DYNC1I2: variants seen among roughly 807,000 people sequenced by gnomAD.
DYNC1I2 encodes the protein cytoplasmic dynein 1 intermediate chain 2.
A neutral mutation model predicts 88.6 loss-of-function variants in DYNC1I2; 53 were observed. The ratio of observed to expected loss-of-function variants is 0.60; its 90% CI spans 0.48 to 0.75. The LOEUF is 0.75. DYNC1I2 is among the 30% of genes least tolerant of loss of function. DYNC1I2 has a pLI of 0.00. For synonymous variants in DYNC1I2, 198 were observed against 254.6 expected (o/e 0.78, Z 2.12); for missense variants, 458 against 766.6 (o/e 0.60, Z 4.75).
intron 3 of DYNC1I2, among the ~76,000 whole-genome samples, chr2:171,698,643 G>A (rs1023356125): frequency 6.6e-6 from 1 of 151,998 alleles, no homozygotes; most frequent in Non-Finnish European, 1.5e-5. Flanking sequence ...GCTGAGGCGG[G>A]CGGATCACGA....
At position 171,750,107 on chromosome 2, in the gene DYNC1I2, G is replaced by A. The variant is rs1268854501; in HGVS notation, c.*2218G>A. ...TAAAGTTTATTACCTTCATGTTAAG[G>A]AATATCCAGCTTCACAGACAATTAA... On this transcript the variant is annotated 3_prime_UTR_variant, in exon 18 of 18. Coordinates refer to ENST00000397119, the MANE Select transcript of DYNC1I2 (RefSeq NM_001378.3). Among the ~76,000 whole-genome samples the A allele has an allele frequency of 6.6e-6, 1 of 152,050 alleles. No homozygotes were observed. Among genetic ancestry groups the A allele is most frequent in the African/African-American group, 2.4e-5 (1 of 41,412 alleles).
At chr2:171,702,878 A>G (rs990014972) in intron 3 of DYNC1I2, among the ~76,000 whole-genome samples, 19 of 151,938 alleles carry the variant, frequency 1.3e-4, no homozygotes, top group African/African-American at 3.6e-4. Context: ...ATAGCCATCT[A>G]ATTTTTTTGT....
intron 2 of DYNC1I2, among the ~76,000 whole-genome samples, chr2:171,691,676 A>G (rs1351893138): frequency 6.6e-6 from 1 of 152,236 alleles, no homozygotes; most frequent in Non-Finnish European, 1.5e-5. Context: ...TGGCAGAGCT[A>G]TTCCAAAATA....
intron 7 of DYNC1I2, among the ~76,000 whole-genome samples, chr2:171,724,124 A>G (rs1022584486): frequency 4.6e-5 from 7 of 152,200 alleles, no homozygotes; most frequent in Non-Finnish European, 7.3e-5. Flanking sequence ...AAATCGCTCA[A>G]TTTCAAGTAA....
Position 171,748,052 on chromosome 2 carries a change from A to C in DYNC1I2, c.*163A>C, listed in dbSNP as rs1034240865. The stretch of plus-strand genomic sequence containing the variant: ...AACTTACAATGTCCCTTTATATATA[A>C]CATGCATCTTGTTTTGGATTTGTGT... On this transcript the variant is annotated 3_prime_UTR_variant, in exon 18 of 18. Transcript: ENST00000397119. The C allele has an allele frequency of 6.0e-6, 3 of 502,786 alleles. No homozygotes were observed. The highest frequency in any genetic ancestry group is 7.8e-5 in the Admixed American group (2 of 25,770). The allele number at this position is 502,786 out of a possible 1,614,324, so 31.1% of individuals were successfully genotyped here. A position where few individuals can be genotyped will look rare whatever the true frequency, so the allele number is the denominator to read the frequency against.
intron 15 of DYNC1I2, among the ~76,000 whole-genome samples, chr2:171,731,930 G>A (rs996893080): frequency 1.3e-5 from 2 of 152,184 alleles, no homozygotes; most frequent in Non-Finnish European, 2.9e-5. Context: ...TGAGCCTTCC[G>A]TCTTTGTCAT....
At chr2:171,713,382 C>T (rs1196101708) in intron 6 of DYNC1I2, among the ~76,000 whole-genome samples, 3 of 150,916 alleles carry the variant, frequency 2.0e-5, no homozygotes, top group African/African-American at 7.3e-5. Context: ...TCATTGAGCC[C>T]CTAGGTTAAA....
intron 5 of DYNC1I2, among the ~76,000 whole-genome samples, chr2:171,711,490 T>C (rs938342442): frequency 2.6e-5 from 4 of 152,214 alleles, no homozygotes; most frequent in African/African-American, 7.2e-5. Context: ...ACAAGGAATT[T>C]TATGTCATTG....
At chr2:171,694,169 C>G (rs2105466055) in intron 3 of DYNC1I2, among the ~76,000 whole-genome samples, 1 of 152,044 alleles carries the variant, frequency 6.6e-6, no homozygotes, top group East Asian at 2.0e-4. Flanking sequence ...TCCTGAGTAG[C>G]TGGGACTACA....
At chr2:171,723,454 AAGAC>A (rs1417436557) in intron 7 of DYNC1I2, among the ~76,000 whole-genome samples, 1 of 152,212 alleles carries the variant, frequency 6.6e-6, no homozygotes, top group Non-Finnish European at 1.5e-5. Flanking sequence ...ATTATTCTAA[AAGAC>A]AGCTTGTAAG....
At chr2:171,711,385 AT>A (rs1687116938) in intron 5 of DYNC1I2, among the ~76,000 whole-genome samples, 1 of 152,244 alleles carries the variant, frequency 6.6e-6, no homozygotes, top group Admixed American at 6.5e-5. Flanking sequence ...CCCCTAATAA[AT>A]GTAATAATGT....
intron 1 of DYNC1I2, chr2:171,688,497 C>T (rs1005840888): frequency 6.6e-6 from 1 of 152,146 alleles, no homozygotes; most frequent in African/African-American, 2.4e-5. Flanking sequence ...TATAATGTGC[C>T]TAGCGTAGCA....
intron 15 of DYNC1I2, among the ~76,000 whole-genome samples, chr2:171,741,955 G>A (rs761509030): frequency 2.6e-5 from 4 of 151,766 alleles, no homozygotes; most frequent in African/African-American, 4.8e-5. Flanking sequence ...GGTGGTGCAC[G>A]CCTGTAATCC....
intron 5 of DYNC1I2, 87 bp downstream of exon 5, chr2:171,707,464 T>C: frequency 8.7e-7 from 1 of 1,145,500 alleles, no homozygotes; most frequent in East Asian, 2.7e-5. Flanking sequence ...CTCTAAATAG[T>C]TGTGTCGAGT....
chr2:171,744,320 C>A, intron 16 of DYNC1I2, 131 bp downstream of exon 16: 1 of 980,202 alleles, frequency 1.0e-6, no homozygotes, highest in Non-Finnish European at 1.4e-6. Flanking sequence ...ACAAAGAACT[C>A]AAATAAGCTT....
chr2:171,739,439 A>G (rs1689242182), intron 15 of DYNC1I2, among the ~76,000 whole-genome samples: 1 of 152,092 alleles, frequency 6.6e-6, no homozygotes. Flanking sequence ...CACATGACCA[A>G]TCTTGTCTAT....
chr2:171,701,207 A>G (rs1346127326), intron 3 of DYNC1I2, among the ~76,000 whole-genome samples: 1 of 151,996 alleles, frequency 6.6e-6, no homozygotes, highest in African/African-American at 2.4e-5. Context: ...TTTTTTGGAG[A>G]CGGAGTCTTG....
intron 7 of DYNC1I2, among the ~76,000 whole-genome samples, chr2:171,721,290 T>C (rs2105649448): frequency 6.6e-6 from 1 of 152,256 alleles, no homozygotes; most frequent in African/African-American, 2.4e-5. Context: ...TTTCCCTTGT[T>C]GAAGAGCCAA....
In DYNC1I2 at chr2:171,714,402, C is replaced by T. The variant is rs537692395; in HGVS notation, c.396-926C>T. ...TATAAGAAAAAAGTTATATTACCAG[C>T]GATAGCCTGCTTTATATTCTGAAAG... is the stretch of plus-strand genomic sequence containing the variant. On this transcript the variant is annotated intron_variant, in intron 6 of 17. Transcript: ENST00000397119. Among the ~76,000 whole-genome samples the T allele has an allele frequency of 2.0e-4, 31 of 151,972 alleles. 1 individual carries two copies. Among genetic ancestry groups the T allele is most frequent in the Middle Eastern group, 3.2e-3 (1 of 316 alleles).
Sources: gnomAD v4.1 joint callset for allele counts (sites outside exome capture counted in the v4.1 genomes callset) on GRCh38, gnomAD v4.1.1 for gene constraint, MANE v1.5 for transcripts, NCBI Gene and HGNC (gene_info 2026-07-23, HGNC 2026-07-21) for gene names.